The following ERI1 variants were observed in gnomAD, a reference collection of about 807,000 sequenced individuals.
The protein encoded by ERI1 is 3'-5' exoribonuclease 1.
In ERI1, 39 loss-of-function variants were observed where a neutral mutation model predicts 39.7. The ratio of observed to expected loss-of-function variants is 0.98; its 90% CI spans 0.76 to 1.28. ERI1 has a LOEUF of 1.28. Among genes scored for constraint, ERI1 ranks in the 50% most tolerant of loss-of-function variants. The probability of loss-of-function intolerance (pLI) is 0.00; values close to 1 mark genes in which losing one functional copy is unlikely to be tolerated. For missense variants in ERI1, 581 were observed against 416.9 expected, an observed-to-expected ratio of 1.39 and a Z score of -3.43; for synonymous variants, 204 against 149.6, an observed-to-expected ratio of 1.36 and a Z score of -2.65.
rs1467676853 is a variant in ERI1, at chr8:9,031,130, G to A, written c.*1096G>A. 6.6e-6 allele frequency: 1 copy of A among 152,084 alleles called. No individual in the cohort carries two copies. The highest frequency in any genetic ancestry group is 2.4e-5 in the African/African-American group (1 of 41,410). The allele number at this position is 152,084 out of a possible 1,614,324, so 9.4% of individuals were successfully genotyped here. A position where few individuals can be genotyped will look rare whatever the true frequency, so the allele number is the denominator to read the frequency against. ...TGAATTTTTCTCCTTGTAGCTTTCA[G>A]GGAACAATTTCATTGACATTGCTTG... On this transcript the variant is annotated 3_prime_UTR_variant, in exon 7 of 7. Coordinates refer to ENST00000250263, the MANE Select transcript of ERI1 (RefSeq NM_153332.4).
chr8:9,057,149 G>C (rs555038907), intron 3 of ERI1, among the ~76,000 whole-genome samples: 2 of 151,084 alleles, frequency 1.3e-5, no homozygotes, highest in Admixed American at 6.6e-5. Context: ...TTGTTTTTTT[G>C]TTTTGTTTTG....
intron 3 of ERI1, among the ~76,000 whole-genome samples, chr8:9,081,064 G>C (rs565506917): frequency 2.6e-5 from 4 of 152,300 alleles, no homozygotes; most frequent in African/African-American, 9.6e-5. Flanking sequence ...AAGGTGAAGG[G>C]GAAGCAAGGC....
downstream of ERI1, among the ~76,000 whole-genome samples, chr8:9,037,077 T>C (rs1797872422): frequency 6.6e-6 from 1 of 152,216 alleles, no homozygotes; most frequent in South Asian, 2.1e-4. Flanking sequence ...TGCTGTCTCT[T>C]CCTGTATACC....
At chr8:9,035,323 A>C (rs1452947556), downstream of ERI1, among the ~76,000 whole-genome samples, 1 of 152,114 alleles carries the variant, frequency 6.6e-6, no homozygotes, top group East Asian at 1.9e-4. Flanking sequence ...AGCTGGAGAG[A>C]AGTCAGTGCT....
intron 2 of ERI1, chr8:9,009,013 G>A (rs564452536): frequency 2.6e-5 from 12 of 456,044 alleles, no homozygotes; most frequent in Middle Eastern, 6.5e-4. Context: ...CTATTTCCCC[G>A]ATTCTTTCTG....
intron 6 of ERI1, among the ~76,000 whole-genome samples, chr8:9,023,584 T>A (rs554274257): frequency 8.4e-4 from 128 of 152,162 alleles, no homozygotes; most frequent in African/African-American, 2.9e-3. Context: ...GTTAGCCTGC[T>A]CTTTTTGTGT....
In ERI1 at chr8:9,030,078, A is replaced by G; in HGVS notation, c.*44A>G. The G allele has an allele frequency of 1.9e-6, 3 of 1,603,818 alleles. No homozygotes were observed. In the South Asian group the frequency reaches 3.3e-5, roughly 18 times the overall value. On this transcript the variant is annotated 3_prime_UTR_variant, in exon 7 of 7. Transcript: ENST00000250263. Reference sequence around the variant, plus strand: ...ATCATTCCAATTGAAGTTGCTATGAAGAGGTAGCAGATGAATCTCATTGAA... The same window carrying G: ...ATCATTCCAATTGAAGTTGCTATGAGGAGGTAGCAGATGAATCTCATTGAA...
rs200419458 is a variant in ERI1 at position 9,029,779 on chromosome 8, G to A, written c.808-13G>A. On this transcript the variant is annotated splice_polypyrimidine_tract_variant and intron_variant, in intron 6 of 6. Transcript: ENST00000250263. ...ACACCAAAGAATTATTTACTAAGCT[G>A]TTTATTTTTCAGGTTCCTAGAAGCC... 5 of 1,613,938 alleles carry A rather than the reference G, an allele frequency of 3.1e-6. No homozygotes were observed. The highest frequency in any genetic ancestry group is 2.2e-5 in the East Asian group (1 of 44,870).
intron 2 of ERI1, among the ~76,000 whole-genome samples, chr8:9,009,700 T>A (rs1816461834): frequency 6.6e-6 from 1 of 152,104 alleles, no homozygotes; most frequent in African/African-American, 2.4e-5. Context: ...CCACCATGCC[T>A]GGCTAATTTT....
intron 3 of ERI1, among the ~76,000 whole-genome samples, chr8:9,083,802 CT>C (rs934807751): frequency 2.7e-5 from 4 of 149,698 alleles, no homozygotes; most frequent in Admixed American, 6.7e-5. Context: ...ATTTTTTTTT[CT>C]TTTTTTTTGA....
chr8:9,068,300 T>G (rs1798945001), intron 3 of ERI1, among the ~76,000 whole-genome samples: 1 of 152,188 alleles, frequency 6.6e-6, no homozygotes, highest in African/African-American at 2.4e-5. Flanking sequence ...GAAAGTAGTT[T>G]GGGTTTCATA....
intron 1 of ERI1, among the ~76,000 whole-genome samples, chr8:9,006,693 A>G (rs1181591557): frequency 2.0e-5 from 3 of 149,806 alleles, no homozygotes; most frequent in Non-Finnish European, 2.9e-5. Context: ...TTTCCTTAAC[A>G]TTGTTAACAA....
chr8:9,080,547 C>A (rs1411639572), intron 3 of ERI1, among the ~76,000 whole-genome samples: 1 of 152,232 alleles, frequency 6.6e-6, no homozygotes, highest in East Asian at 1.9e-4. Context: ...CACTGCACAC[C>A]TTTGTGAAGT....
rs1030559640 is a variant in ERI1 at position 9,068,306 on chromosome 8, T to C, written n.299+47842T>C. On this transcript the variant is annotated intron_variant and non_coding_transcript_variant, in intron 3 of 3. Transcript: ENST00000518663. Reference sequence around the variant, plus strand: ...GCCCTTGGGGAAAGTAGTTTGGGTTTCATAGTTTGCTTTTAGTAGAGGTTC... The same window carrying C: ...GCCCTTGGGGAAAGTAGTTTGGGTTCCATAGTTTGCTTTTAGTAGAGGTTC... 3.9e-5 allele frequency among the ~76,000 whole-genome samples: 6 copies of C among 152,214 alleles called. No individual in the cohort carries two copies. In the South Asian group the frequency reaches 1.2e-3, roughly 32 times the overall value.
intron 2 of ERI1, among the ~76,000 whole-genome samples, chr8:9,009,970 A>G (rs1389008259): frequency 6.6e-6 from 1 of 152,214 alleles, no homozygotes; most frequent in Non-Finnish European, 1.5e-5. Flanking sequence ...TCGTAAGCAG[A>G]AGGGAGCCAC....
downstream of ERI1, among the ~76,000 whole-genome samples, chr8:9,034,043 A>G (rs148399561): frequency 3.4e-4 from 52 of 152,334 alleles, no homozygotes; most frequent in African/African-American, 1.2e-3. Context: ...TTGCTTTAAA[A>G]TTTCCTCCAT....
chr8:9,095,133 G>C (rs1399730954), intron 3 of ERI1, among the ~76,000 whole-genome samples: 1 of 152,186 alleles, frequency 6.6e-6, no homozygotes, highest in Non-Finnish European at 1.5e-5. Flanking sequence ...GACTAAATGA[G>C]ATGCTGCATG....
intron 1 of ERI1, among the ~76,000 whole-genome samples, 195 bp from the exon 2 acceptor site, chr8:9,007,775 G>C (rs980418564): frequency 6.6e-6 from 1 of 152,058 alleles, no homozygotes; most frequent in African/African-American, 2.4e-5. Flanking sequence ...TAATAGAGTG[G>C]GGTAAATTGT....
intron 3 of ERI1, among the ~76,000 whole-genome samples, chr8:9,096,441 C>T (rs900470346): frequency 6.6e-6 from 1 of 152,116 alleles, no homozygotes; most frequent in Non-Finnish European, 1.5e-5. Flanking sequence ...GGGCCAAGTA[C>T]CCCAGAAGCA....
Sources: allele counts gnomAD v4.1 joint callset (sites outside exome capture counted in the v4.1 genomes callset), GRCh38; gene constraint gnomAD v4.1.1; transcripts MANE v1.5; gene names NCBI Gene and HGNC (gene_info 2026-07-23, HGNC 2026-07-21).